EPB41L5: variants seen among roughly 807,000 people sequenced by gnomAD.
EPB41L5 encodes the protein erythrocyte membrane protein band 4.1 like 5, also known as band 4.1-like protein 5.
Under a neutral mutation model 106.6 loss-of-function variants are expected in EPB41L5, and 55 were observed. The observed-to-expected ratio is 0.52, with a 90% confidence interval of 0.42 to 0.65. The LOEUF (loss-of-function observed/expected upper bound fraction) is 0.65. Among genes scored for constraint, EPB41L5 ranks in the 30% least tolerant of loss-of-function variants. EPB41L5 has a pLI of 0.00. For missense variants in EPB41L5, 871 were observed against 882.1 expected (o/e 0.99, Z 0.16); for synonymous variants, 297 against 306.7 (o/e 0.97, Z 0.33).
intron 3 of EPB41L5, among the ~76,000 whole-genome samples, chr2:120,051,171 C>T (rs1382357614): frequency 6.6e-6 from 1 of 152,208 alleles, no homozygotes; most frequent in Non-Finnish European, 1.5e-5. Context: ...AATCACCACT[C>T]TCTTCAAAGC....
intron 2 of EPB41L5, among the ~76,000 whole-genome samples, chr2:120,027,106 A>G (rs1267002390): frequency 6.6e-6 from 1 of 152,226 alleles, no homozygotes; most frequent in African/African-American, 2.4e-5. Context: ...CCCTGCTGGT[A>G]GGAATGTAAA....
intron 3 of EPB41L5, among the ~76,000 whole-genome samples, chr2:120,071,395 G>A (rs143393465): frequency 3.4e-4 from 51 of 152,218 alleles, no homozygotes; most frequent in Non-Finnish European, 6.3e-4. Context: ...CATGAAAATG[G>A]CCATACTGCT....
chr2:120,127,978 T>TA, intron 17 of EPB41L5, 127 bp downstream of exon 17: 1 of 803,196 alleles, frequency 1.2e-6, no homozygotes, highest in African/African-American at 1.7e-5. Flanking sequence ...TCAGAAGAGT[T>TA]ATGCCCTCTT....
In EPB41L5 at chr2:120,023,032, GT is replaced by G. The variant is rs1249901070; in HGVS notation, c.180+3775del. ...CACCCACTTTTTGATGGGGTTGTTT[GT>G]TTTTTTCTTGTAAATTTGTTTAAGT... On this transcript the variant is annotated intron_variant, in intron 2 of 24. Transcript: ENST00000263713. Among the ~76,000 whole-genome samples the G allele has an allele frequency of 2.0e-5, 3 of 152,076 alleles. No homozygotes were observed. In the South Asian group the frequency reaches 6.2e-4, roughly 32 times the overall value.
chr2:120,029,218 G>T (rs1179371197), intron 2 of EPB41L5, among the ~76,000 whole-genome samples: 1 of 152,136 alleles, frequency 6.6e-6, no homozygotes, highest in African/African-American at 2.4e-5. Flanking sequence ...AGGTTGGAGT[G>T]CAGTGACATG....
At chr2:120,018,743 G>A (rs1430133616) in intron 1 of EPB41L5, among the ~76,000 whole-genome samples, 1 of 151,954 alleles carries the variant, frequency 6.6e-6, no homozygotes, top group Non-Finnish European at 1.5e-5. Flanking sequence ...ACTGCCTGGG[G>A]TCAAGTGATC....
chr2:120,115,242 A>G (rs1684894104), intron 16 of EPB41L5, among the ~76,000 whole-genome samples: 1 of 152,132 alleles, frequency 6.6e-6, no homozygotes, highest in Non-Finnish European at 1.5e-5. Context: ...ACAGTTTAAC[A>G]TTTACATTCA....
chr2:120,069,128 CAAAAAAA>C (rs539813602), intron 3 of EPB41L5, among the ~76,000 whole-genome samples: 1 of 79,550 alleles, frequency 1.3e-5, no homozygotes, highest in African/African-American at 5.9e-5. Context: ...AACTCTGTCT[CAAAAAAA>C]AAAAAAAAAA....
intron 13 of EPB41L5, among the ~76,000 whole-genome samples, 196 bp downstream of exon 13, chr2:120,091,857 T>C (rs1411124173): frequency 6.6e-6 from 1 of 152,118 alleles, no homozygotes; most frequent in African/African-American, 2.4e-5. Context: ...GATTAAACTT[T>C]ATGTTAATCC....
chr2:120,022,039 T>C (rs1272228826), intron 2 of EPB41L5, among the ~76,000 whole-genome samples: 1 of 152,224 alleles, frequency 6.6e-6, no homozygotes, highest in African/African-American at 2.4e-5. Flanking sequence ...TAGAAATTTC[T>C]ATCTAATTTT....
intron 22 of EPB41L5, 146 bp downstream of exon 22, chr2:120,165,056 C>T: frequency 1.7e-6 from 1 of 597,082 alleles, no homozygotes; most frequent in Non-Finnish European, 2.9e-6. Flanking sequence ...TTAGCATTGC[C>T]TCTCTGTCCT....
chr2:120,042,899 T>A (rs1190170617), intron 3 of EPB41L5, among the ~76,000 whole-genome samples: 3 of 152,162 alleles, frequency 2.0e-5, no homozygotes, highest in Non-Finnish European at 4.4e-5. Flanking sequence ...ACAAATACTT[T>A]AGGATAAAAG....
chr2:120,047,605 A>G (rs1482214852), intron 3 of EPB41L5, among the ~76,000 whole-genome samples: 8 of 152,136 alleles, frequency 5.3e-5, no homozygotes, highest in Non-Finnish European at 5.9e-5. Flanking sequence ...TGTCATCTGC[A>G]AACAGGGACA....
chr2:120,019,814 C>G (rs955195846), intron 2 of EPB41L5, among the ~76,000 whole-genome samples: 1 of 152,156 alleles, frequency 6.6e-6, no homozygotes, highest in Non-Finnish European at 1.5e-5. Context: ...GACTGCCTGT[C>G]TCTTTGCTCC....
At chr2:120,070,927 C>G (rs1476535908) in intron 3 of EPB41L5, among the ~76,000 whole-genome samples, 2 of 152,130 alleles carry the variant, frequency 1.3e-5, no homozygotes, top group African/African-American at 4.8e-5. Flanking sequence ...AATACTGGCA[C>G]AAAACAAGGA....
chr2:120,092,604 A>G (rs1214316173), intron 13 of EPB41L5, among the ~76,000 whole-genome samples: 1 of 152,202 alleles, frequency 6.6e-6, no homozygotes, highest in Non-Finnish European at 1.5e-5. Context: ...TTCCACTGTC[A>G]GAGTCATCAC....
chr2:120,146,317 T>G, intron 20 of EPB41L5, 28 bp downstream of exon 20: 1 of 1,518,214 alleles, frequency 6.6e-7, no homozygotes, highest in South Asian at 1.1e-5. Flanking sequence ...CTGAATTAAA[T>G]TGATGTTCTT....
chr2:120,063,095 T>C (rs575823061), intron 3 of EPB41L5, among the ~76,000 whole-genome samples: 3 of 152,060 alleles, frequency 2.0e-5, no homozygotes, highest in Admixed American at 1.3e-4. Flanking sequence ...ATCCTAGCAC[T>C]TTGGAAGGCT....
At chr2:120,059,085 T>C (rs962748491) in intron 3 of EPB41L5, among the ~76,000 whole-genome samples, 7 of 152,224 alleles carry the variant, frequency 4.6e-5, no homozygotes, top group Non-Finnish European at 8.8e-5. Flanking sequence ...ATCAAGACTT[T>C]GTGGTATTGG....
Sources: allele counts gnomAD v4.1 joint callset (sites outside exome capture counted in the v4.1 genomes callset), GRCh38; gene constraint gnomAD v4.1.1; transcripts MANE v1.5; gene names NCBI Gene and HGNC (gene_info 2026-07-23, HGNC 2026-07-21).